PDGFD: variants seen among roughly 807,000 people sequenced by gnomAD.
The protein encoded by PDGFD is platelet derived growth factor D.
A neutral mutation model predicts 44.7 loss-of-function variants in PDGFD; 30 were observed. The ratio of observed to expected loss-of-function variants is 0.67; its 90% CI spans 0.50 to 0.91. The LOEUF (loss-of-function observed/expected upper bound fraction) is 0.91, where lower values mean the gene tolerates loss of function less well. Among genes scored for constraint, PDGFD ranks in the 40% least tolerant of loss-of-function variants. PDGFD has a pLI of 0.00. For missense variants in PDGFD, 445 were observed against 457.8 expected (o/e 0.97, Z 0.25); for synonymous variants, 173 against 168.4 (o/e 1.03, Z -0.21).
chr11:104,163,659 A>G (rs1297389145), intron 1 of PDGFD, 145 bp downstream of exon 1: 6 of 966,604 alleles, frequency 6.2e-6, no homozygotes, highest in Non-Finnish European at 8.6e-6. Flanking sequence ...GACTGGATAC[A>G]GGCAGGAGAC....
intron 1 of PDGFD, among the ~76,000 whole-genome samples, chr11:104,035,829 A>G (rs1340641878): frequency 6.6e-6 from 1 of 152,162 alleles, no homozygotes; most frequent in Non-Finnish European, 1.5e-5. Context: ...CACCTGGAAG[A>G]TGCTCATCCT....
chr11:103,978,764 C>T lies in PDGFD; in HGVS notation c.510+17301G>A, dbSNP rs1013492627. 3.9e-5 allele frequency among the ~76,000 whole-genome samples: 6 copies of T among 152,074 alleles called. 1 individual carries two copies. The East Asian group carries it at 1.2e-3, about 29-fold the overall frequency. ...AAAGATATACTAACTGTCTTGTACC[C>T]CTGTACTAAGTGACGTCATTGTCTT... On this transcript the variant is annotated intron_variant, in intron 3 of 6. Transcript: ENST00000393158.
chr11:103,927,406 AAAAAAAGTTCAGAGGAAAG>A (rs1356964484), intron 5 of PDGFD, among the ~76,000 whole-genome samples: 1 of 152,182 alleles, frequency 6.6e-6, no homozygotes, highest in Non-Finnish European at 1.5e-5. Flanking sequence ...TTTTTTATGC[AAAAAAAGTTCAGAGGAAAG>A]AAAATGAAAC....
chr11:104,062,914 C>A (rs1368915565), intron 1 of PDGFD, among the ~76,000 whole-genome samples: 1 of 152,086 alleles, frequency 6.6e-6, no homozygotes, highest in Non-Finnish European at 1.5e-5. Context: ...CCCATGTATT[C>A]CTGTGAAACG....
chr11:104,111,203 C>T (rs191568871), intron 1 of PDGFD, among the ~76,000 whole-genome samples: 2 of 151,656 alleles, frequency 1.3e-5, no homozygotes, highest in Non-Finnish European at 2.9e-5. Flanking sequence ...CTAAAATCTA[C>T]ACCTGAATAG....
At chr11:104,061,932 A>G (rs142425296) in intron 1 of PDGFD, among the ~76,000 whole-genome samples, 1,387 of 123,898 alleles carry the variant, frequency 0.011, 12 homozygotes, top group African/African-American at 0.04. Context: ...TGCCATTTCA[A>G]GTGGTTACAA....
intron 1 of PDGFD, among the ~76,000 whole-genome samples, chr11:104,008,424 A>G (rs1328740115): frequency 1.3e-5 from 2 of 152,172 alleles, no homozygotes; most frequent in East Asian, 1.9e-4. Context: ...GTTGTATGCC[A>G]TCATCTGAAA....
chr11:104,006,104 G>A (rs1369472912), intron 1 of PDGFD, among the ~76,000 whole-genome samples: 1 of 152,152 alleles, frequency 6.6e-6, no homozygotes, highest in Non-Finnish European at 1.5e-5. Context: ...GTCACTGTAG[G>A]CACTATTACT....
intron 1 of PDGFD, among the ~76,000 whole-genome samples, chr11:104,019,794 T>C (rs948975721): frequency 1.6e-4 from 24 of 152,026 alleles, no homozygotes; most frequent in African/African-American, 5.8e-4. Context: ...GTGTCTATTA[T>C]AGAAGGGCTG....
chr11:104,081,505 T>C (rs1443845537), intron 1 of PDGFD, among the ~76,000 whole-genome samples: 3 of 152,338 alleles, frequency 2.0e-5, no homozygotes, highest in Non-Finnish European at 2.9e-5. Context: ...AAACCCATAA[T>C]GTCTATCAAC....
intron 1 of PDGFD, among the ~76,000 whole-genome samples, chr11:104,091,625 A>C (rs1054132076): frequency 6.6e-6 from 1 of 152,210 alleles, no homozygotes; most frequent in Admixed American, 6.6e-5. Flanking sequence ...AGGTTCCTTA[A>C]CTATGCCCTT....
intron 1 of PDGFD, among the ~76,000 whole-genome samples, chr11:104,050,064 G>A (rs1397782874): frequency 6.6e-6 from 1 of 152,124 alleles, no homozygotes; most frequent in Non-Finnish European, 1.5e-5. Context: ...GACATATATG[G>A]GTAGTTCAGT....
At chr11:103,935,310 G>T (rs766806512) in intron 5 of PDGFD, among the ~76,000 whole-genome samples, 2 of 152,122 alleles carry the variant, frequency 1.3e-5, no homozygotes, top group Admixed American at 6.6e-5. Context: ...CCACTGCTGA[G>T]ATTTTCTTAA....
intron 5 of PDGFD, among the ~76,000 whole-genome samples, chr11:103,930,777 G>A (rs1465105005): frequency 6.6e-6 from 1 of 152,178 alleles, no homozygotes; most frequent in Admixed American, 6.5e-5. Context: ...GCACTAACCT[G>A]TCATTTTCAC....
intron 1 of PDGFD, among the ~76,000 whole-genome samples, chr11:104,070,655 T>C (rs1383974977): frequency 6.6e-6 from 1 of 152,180 alleles, no homozygotes; most frequent in Non-Finnish European, 1.5e-5. Flanking sequence ...GATACTCTTT[T>C]GCACCTTCAT....
intron 1 of PDGFD, among the ~76,000 whole-genome samples, chr11:104,027,096 G>A (rs1349692344): frequency 2.0e-5 from 3 of 152,140 alleles, no homozygotes. Context: ...AGAACACTTT[G>A]CAGACTGCTA....
chr11:104,106,331 AC>A (rs1271888055), intron 1 of PDGFD, among the ~76,000 whole-genome samples: 3 of 152,202 alleles, frequency 2.0e-5, no homozygotes, highest in African/African-American at 7.2e-5. Context: ...GATAACAACC[AC>A]AAAGAAGTAT....
At chr11:103,993,761 C>T (rs1315283971) in intron 3 of PDGFD, among the ~76,000 whole-genome samples, 1 of 152,122 alleles carries the variant, frequency 6.6e-6, no homozygotes, top group African/African-American at 2.4e-5. Context: ...GGAGGTTAAG[C>T]TCATTCTATC....
intron 1 of PDGFD, among the ~76,000 whole-genome samples, chr11:104,152,491 A>G (rs370454232): frequency 1.3e-5 from 2 of 152,260 alleles, no homozygotes; most frequent in Middle Eastern, 3.4e-3. Context: ...TCTATCTTCT[A>G]GACTGACTCT....
Sources: allele counts gnomAD v4.1 joint callset (sites outside exome capture counted in the v4.1 genomes callset), GRCh38; gene constraint gnomAD v4.1.1; transcripts MANE v1.5; gene names NCBI Gene and HGNC (gene_info 2026-07-23, HGNC 2026-07-21).